KIF9: variants seen among roughly 807,000 people sequenced by gnomAD.
The protein encoded by KIF9 is kinesin family member 9.
In KIF9, 68 loss-of-function variants were observed where a neutral mutation model predicts 94.8. The ratio of observed to expected loss-of-function variants is 0.72; its 90% confidence interval spans 0.59 to 0.88. The LOEUF (loss-of-function observed/expected upper bound fraction) is 0.88. Ranked by LOEUF, KIF9 falls within the 40% of genes least tolerant of loss-of-function variation. The pLI is 0.00. For missense variants in KIF9, 882 were observed against 982.5 expected (o/e 0.90, Z 1.37); for synonymous variants, 343 against 362.1 (o/e 0.95, Z 0.60).
At chr3:47,249,645 T>C (rs543695942) in intron 10 of KIF9, among the ~76,000 whole-genome samples, 1 of 152,342 alleles carries the variant, frequency 6.6e-6, no homozygotes, top group East Asian at 1.9e-4. Flanking sequence ...TGCCTCTGCA[T>C]TGCTTGTCCG....
intron 5 of KIF9, among the ~76,000 whole-genome samples, chr3:47,269,768 ATTTTTTTTTTT>A (rs36108313): frequency 1.2e-5 from 1 of 86,466 alleles, no homozygotes; most frequent in Non-Finnish European, 2.0e-5. Context: ...CTCCCAGCTA[ATTTTTTTTTTT>A]TTTTTTTTTT....
intron 16 of KIF9, among the ~76,000 whole-genome samples, chr3:47,241,884 A>ATATTTT (rs1387311165): frequency 8.7e-6 from 1 of 114,292 alleles, no homozygotes; most frequent in Admixed American, 9.6e-5. Flanking sequence ...ATATATATAT[A>ATATTTT]TTTTTTTTTT....
intron 9 of KIF9, among the ~76,000 whole-genome samples, chr3:47,259,235 C>T (rs1175909454): frequency 6.6e-6 from 1 of 152,162 alleles, no homozygotes; most frequent in East Asian, 1.9e-4. Flanking sequence ...GTGTCCTCCC[C>T]ACCATCCACA....
intron 3 of KIF9, among the ~76,000 whole-genome samples, chr3:47,274,649 C>T (rs1419784596): frequency 6.6e-6 from 1 of 152,240 alleles, no homozygotes; most frequent in Admixed American, 6.5e-5. Flanking sequence ...TGTGGTTCCA[C>T]AGCACCAGTG....
chr3:47,275,304 A>C, intron 3 of KIF9, 21 bp downstream of exon 3: 1 of 1,568,700 alleles, frequency 6.4e-7, no homozygotes, highest in Non-Finnish European at 8.7e-7. Flanking sequence ...ACATAAGACA[A>C]CATTTAATTA....
intron 10 of KIF9, among the ~76,000 whole-genome samples, chr3:47,252,415 G>A (rs1459727752): frequency 6.6e-6 from 1 of 151,670 alleles, no homozygotes; most frequent in Non-Finnish European, 1.5e-5. Flanking sequence ...GCAACATAGG[G>A]AGACCCCATC....
intron 7 of KIF9, among the ~76,000 whole-genome samples, chr3:47,266,444 G>A (rs1255475193): frequency 6.6e-6 from 1 of 152,162 alleles, no homozygotes; most frequent in African/African-American, 2.4e-5. Context: ...AGGAGTTCAA[G>A]TTCAGCCTTG....
intron 10 of KIF9, among the ~76,000 whole-genome samples, 151 bp downstream of exon 10, chr3:47,257,330 ACT>A (rs1242659417): frequency 6.6e-6 from 1 of 151,832 alleles, no homozygotes; most frequent in African/African-American, 2.4e-5. Flanking sequence ...GACTCTGAAG[ACT>A]CTGGCCAGTC....
At chr3:47,279,788 T>G (rs568145312) in intron 1 of KIF9, among the ~76,000 whole-genome samples, 53 of 151,968 alleles carry the variant, frequency 3.5e-4, no homozygotes, top group African/African-American at 1.3e-3. Flanking sequence ...CGCTAATTTT[T>G]CTGTATTTTT....
chr3:47,242,464 C>T (rs998839039), intron 16 of KIF9, among the ~76,000 whole-genome samples: 4 of 152,168 alleles, frequency 2.6e-5, no homozygotes, highest in African/African-American at 9.7e-5. Flanking sequence ...GTTCGCTGTA[C>T]AATTATTTCA....
intron 2 of KIF9, 22 bp from the exon 3 acceptor site, chr3:47,275,512 G>GA: frequency 1.9e-6 from 3 of 1,572,438 alleles, no homozygotes; most frequent in Non-Finnish European, 2.6e-6. Flanking sequence ...GAGTGAGAAA[G>GA]AAAAAAATGT....
Position 47,282,584 on chromosome 3 carries a change from A to G in KIF9, c.-95T>C. On this transcript the variant is annotated 5_prime_UTR_variant, in exon 1 of 21. Transcript: ENST00000684063. ...CGCGGGGCTGCCTGGCTGTGTACAT[A>G]GTCGCCATGGCAACGGGTCGCTTCC... The G allele has an allele frequency of 2.8e-6, 3 of 1,081,762 alleles. No individual in the cohort carries two copies. The highest frequency in any genetic ancestry group is 2.3e-6 in the Non-Finnish European group (2 of 886,194). The allele number at this position is 1,081,762 out of a possible 1,614,324, so 67.0% of individuals were successfully genotyped here.
At chr3:47,278,615 G>T (rs892639242) in intron 1 of KIF9, among the ~76,000 whole-genome samples, 2 of 152,092 alleles carry the variant, frequency 1.3e-5, no homozygotes, top group African/African-American at 4.8e-5. Flanking sequence ...GATCCCTTGA[G>T]GCCAGGAGTT....
At chr3:47,258,158 A>C (rs1044664185) in intron 9 of KIF9, among the ~76,000 whole-genome samples, 1 of 152,260 alleles carries the variant, frequency 6.6e-6, no homozygotes, top group African/African-American at 2.4e-5. Flanking sequence ...AGCTAAAAAG[A>C]AGCAGGTAAA....
In KIF9 at chr3:47,275,467, T is replaced by C; in HGVS notation, c.117A>G (p.Lys39=). 2 of 1,606,182 alleles carry C rather than the reference T, an allele frequency of 1.2e-6. No individual in the cohort carries two copies. The highest frequency in any genetic ancestry group is 1.7e-6 in the Non-Finnish European group (2 of 1,176,288). ...DKRSIDIHLK[K]DIRRGVVNNQ... ...TATTGACAACTCCTCTCCGAATGTC[T>C]TTTTTTAAGTGAATATCAATGCTCT... is the stretch of plus-strand genomic sequence containing the variant. The change falls in exon 3 of 21, where the codon AAA becomes AAG. Residue 39 remains lysine (K), a synonymous_variant. Transcript: ENST00000684063.
At chr3:47,277,475 G>A (rs1443710038) in intron 1 of KIF9, 96 bp from the exon 2 acceptor site, 9 of 816,224 alleles carry the variant, frequency 1.1e-5, no homozygotes, top group East Asian at 8.1e-5. Context: ...AAAGAGTGAC[G>A]AGCAGTCCAT....
At chr3:47,266,871 T>C (rs1701318896) in intron 7 of KIF9, 105 bp downstream of exon 7, 10 of 889,380 alleles carry the variant, frequency 1.1e-5, no homozygotes, top group Non-Finnish European at 1.9e-5. Context: ...AGCTCAGGAC[T>C]GTGTTCACAA....
Position 47,271,471 on chromosome 3 carries a change from A to C in KIF9, c.367-10T>G. The C allele has an allele frequency of 6.2e-7, 1 of 1,610,332 alleles. No homozygotes were observed. Among genetic ancestry groups the C allele is most frequent in the Non-Finnish European group, 8.5e-7 (1 of 1,176,648 alleles). On this transcript the variant is annotated splice_polypyrimidine_tract_variant and intron_variant, in intron 4 of 20. Coordinates refer to ENST00000684063, the MANE Select transcript of KIF9 (RefSeq NM_182902.4). ...CGATCATCCTAAAAACCTAGATGACAGATTGTACAGCGGTCACCAAGAGCA... is the reference window on the plus strand; with the variant it reads ...CGATCATCCTAAAAACCTAGATGACCGATTGTACAGCGGTCACCAAGAGCA...
intron 10 of KIF9, among the ~76,000 whole-genome samples, chr3:47,256,643 G>A (rs1700629979): frequency 6.6e-6 from 1 of 152,242 alleles, no homozygotes; most frequent in Non-Finnish European, 1.5e-5. Context: ...TGGGAGGTGT[G>A]CCCAGCGGCT....
Sources: gnomAD v4.1 joint callset for allele counts (sites outside exome capture counted in the v4.1 genomes callset) on GRCh38, gnomAD v4.1.1 for gene constraint, MANE v1.5 for transcripts, NCBI Gene and HGNC (gene_info 2026-07-23, HGNC 2026-07-21) for gene names.